The following SLC28A3 variants were observed in gnomAD, a reference collection of about 807,000 sequenced individuals.
The protein encoded by SLC28A3 is solute carrier family 28 member 3, also known as concentrative Na(+)-nucleoside cotransporter 3.
A neutral mutation model predicts 84.2 loss-of-function variants in SLC28A3; 68 were observed. The observed-to-expected ratio is 0.81, with a 90% CI of 0.66 to 0.99. The LOEUF is 0.99. Among genes scored for constraint, SLC28A3 ranks in the 50% least tolerant of loss-of-function variants. SLC28A3 has a pLI of 0.00. For missense variants in SLC28A3, 712 were observed against 841.5 expected, an observed-to-expected ratio of 0.85 and a Z score of 1.90; for synonymous variants, 267 against 303.6, an observed-to-expected ratio of 0.88 and a Z score of 1.25.
At chr9:84,305,913 A>G (rs749401204) in intron 3 of SLC28A3, among the ~76,000 whole-genome samples, 8 of 152,170 alleles carry the variant, frequency 5.3e-5, no homozygotes, top group Admixed American at 1.3e-4. Flanking sequence ...GGGTTGTCAC[A>G]GCTTTCTCAG....
At chr9:84,322,417 G>A (rs921426880) in intron 1 of SLC28A3, among the ~76,000 whole-genome samples, 1 of 152,192 alleles carries the variant, frequency 6.6e-6, no homozygotes, top group Non-Finnish European at 1.5e-5. Flanking sequence ...CTTCCTTCCT[G>A]TTCTATGAAA....
intron 8 of SLC28A3, among the ~76,000 whole-genome samples, chr9:84,295,867 A>C (rs1028259562): frequency 6.6e-6 from 1 of 152,218 alleles, no homozygotes; most frequent in African/African-American, 2.4e-5. Flanking sequence ...AATTTAGAAA[A>C]AAATCCATTA....
At chr9:84,285,572 A>G (rs976751090) in intron 13 of SLC28A3, 30 bp from the exon 14 acceptor site, 11 of 1,612,146 alleles carry the variant, frequency 6.8e-6, no homozygotes, top group Non-Finnish European at 9.3e-6. Flanking sequence ...ACACTTGATT[A>G]GAATAGTGAT....
At chr9:84,326,497 T>G (rs1826553460) in intron 1 of SLC28A3, among the ~76,000 whole-genome samples, 2 of 152,282 alleles carry the variant, frequency 1.3e-5, no homozygotes, top group South Asian at 4.1e-4. Flanking sequence ...TCTCTGAAGT[T>G]TGGGGATATG....
intron 1 of SLC28A3, among the ~76,000 whole-genome samples, chr9:84,340,203 A>G (rs1003239053): frequency 3.9e-5 from 6 of 152,186 alleles, no homozygotes; most frequent in African/African-American, 1.4e-4. Flanking sequence ...CTTGAGTAAA[A>G]GGAACCCTGA....
chr9:84,327,817 C>T (rs1826621910), intron 1 of SLC28A3, among the ~76,000 whole-genome samples: 2 of 148,470 alleles, frequency 1.3e-5, no homozygotes, highest in South Asian at 4.2e-4. Context: ...ACTAGGGAGG[C>T]TAAGTCAGGA....
chr9:84,365,776 C>A, the SLC28A3 span, among the ~76,000 whole-genome samples: 1 of 152,120 alleles, frequency 6.6e-6, no homozygotes, highest in East Asian at 1.9e-4. Context: ...GAAGACTGGG[C>A]GTGGTGGCTT....
At position 84,285,589 on chromosome 9, in the gene SLC28A3, T is replaced by G. The variant is rs761025972; in HGVS notation, c.1450-47A>C. On this transcript the variant is annotated intron_variant, in intron 13 of 17. Transcript: ENST00000376238. The stretch of plus-strand genomic sequence containing the variant: ...ACTTGATTAGAATAGTGATTTGCTT[T>G]CAGTTTTGCCTCCTCAGTGACAACA... 4 of 1,605,880 alleles carry G rather than the reference T, an allele frequency of 2.5e-6. No individual in the cohort carries two copies. In the Admixed American group the frequency reaches 6.7e-5, roughly 27 times the overall value.
chr9:84,342,933 G>A (rs563974273), upstream of SLC28A3, among the ~76,000 whole-genome samples: 135 of 152,238 alleles, frequency 8.9e-4, no homozygotes, highest in African/African-American at 3.2e-3. Context: ...GGAGGCCGAG[G>A]CAGATGGATC....
chr9:84,309,523 CA>C (rs71366931), intron 3 of SLC28A3, 105 bp downstream of exon 3: 26,926 of 237,108 alleles, frequency 0.11, 47 homozygotes, highest in Middle Eastern at 0.13. Flanking sequence ...ACTCTTATCT[CA>C]AAAAAAAAAA....
chr9:84,309,243 C>T (rs898490058), intron 3 of SLC28A3, among the ~76,000 whole-genome samples: 3 of 151,792 alleles, frequency 2.0e-5, no homozygotes, highest in Non-Finnish European at 4.4e-5. Context: ...AAATGGGAGG[C>T]CTGGTGCCAT....
At chr9:84,302,763 C>T (rs976668103) in intron 4 of SLC28A3, among the ~76,000 whole-genome samples, 3 of 152,118 alleles carry the variant, frequency 2.0e-5, no homozygotes, top group Non-Finnish European at 4.4e-5. Flanking sequence ...GAAGTGACGA[C>T]TGGCAAAGAG....
intron 1 of SLC28A3, among the ~76,000 whole-genome samples, chr9:84,319,102 G>A (rs1826273809): frequency 6.6e-6 from 1 of 152,124 alleles, no homozygotes; most frequent in South Asian, 2.1e-4. Flanking sequence ...AAGGCTACTT[G>A]AAGGGGAAGG....
At chr9:84,366,100 G>A in the SLC28A3 span, among the ~76,000 whole-genome samples, 1 of 152,098 alleles carries the variant, frequency 6.6e-6, no homozygotes, top group South Asian at 2.1e-4. Context: ...TGGTATGGCT[G>A]TAAACTGACT....
chr9:84,298,035 A>C lies in SLC28A3; in HGVS notation c.670-16T>G. 639 of 1,580,764 alleles carry C rather than the reference A, an allele frequency of 4.0e-4. No individual in the cohort carries two copies. Among genetic ancestry groups the C allele is most frequent in the Non-Finnish European group, 5.1e-4 (586 of 1,156,064 alleles). ...TCCAGTAAACCTATACAGAAAGATC[A>C]AGTGATATGTCTTAGTAGGAAAATT... On this transcript the variant is annotated splice_polypyrimidine_tract_variant and intron_variant, in intron 6 of 17. Transcript: ENST00000376238.
intron 1 of SLC28A3, among the ~76,000 whole-genome samples, chr9:84,323,416 T>G (rs1588614976): frequency 6.8e-6 from 1 of 147,774 alleles, no homozygotes; most frequent in East Asian, 2.0e-4. Flanking sequence ...TTTTTATGAT[T>G]CAGTACATGA....
intron 1 of SLC28A3, among the ~76,000 whole-genome samples, chr9:84,326,892 C>A (rs888685351): frequency 2.0e-4 from 31 of 152,064 alleles, no homozygotes; most frequent in African/African-American, 7.2e-4. Flanking sequence ...GTAATCCCAG[C>A]TACTCGGGAG....
chr9:84,303,482 G>A (rs1336904624), intron 4 of SLC28A3, among the ~76,000 whole-genome samples: 13 of 152,236 alleles, frequency 8.5e-5, no homozygotes, highest in Admixed American at 5.2e-4. Flanking sequence ...CACCACGCCC[G>A]GTTAATTTTG....
At chr9:84,363,529 C>A in the SLC28A3 span, among the ~76,000 whole-genome samples, 1 of 152,226 alleles carries the variant, frequency 6.6e-6, no homozygotes, top group Non-Finnish European at 1.5e-5. Flanking sequence ...ATCACTTCCT[C>A]TGTGCCAGGC....
Sources: allele counts gnomAD v4.1 joint callset (sites outside exome capture counted in the v4.1 genomes callset), GRCh38; gene constraint gnomAD v4.1.1; transcripts MANE v1.5; gene names NCBI Gene and HGNC (gene_info 2026-07-23, HGNC 2026-07-21).